Variants in PTN observed in about 807,000 individuals in gnomAD.
PTN encodes the protein pleiotrophin.
A neutral mutation model predicts 24.1 loss-of-function variants in PTN; 18 were observed. The ratio of observed to expected loss-of-function variants is 0.75; its 90% CI spans 0.52 to 1.11. The LOEUF is 1.11. Ranked by LOEUF, PTN falls within the 50% of genes least tolerant of loss-of-function variation. The pLI is 0.00. For synonymous variants in PTN, 78 were observed against 68.6 expected, an observed-to-expected ratio of 1.14 and a Z score of -0.67; for missense variants, 163 against 198.8, an observed-to-expected ratio of 0.82 and a Z score of 1.08.
intron 4 of PTN, among the ~76,000 whole-genome samples, chr7:137,228,612 T>G (rs1808375339): frequency 6.6e-6 from 1 of 151,754 alleles, no homozygotes; most frequent in Non-Finnish European, 1.5e-5. Flanking sequence ...CAGCTATCTA[T>G]GTAAAAAGAA....
At chr7:137,235,799 ACCTTCTACT>A (rs1563194361) in intron 4 of PTN, among the ~76,000 whole-genome samples, 1 of 152,058 alleles carries the variant, frequency 6.6e-6, no homozygotes, top group Non-Finnish European at 1.5e-5. Flanking sequence ...TCATAGCAAT[ACCTTCTACT>A]CCTTCTACTC....
chr7:137,230,650 C>A (rs888372884), intron 4 of PTN, among the ~76,000 whole-genome samples: 2 of 151,686 alleles, frequency 1.3e-5, no homozygotes, highest in African/African-American at 4.8e-5. Context: ...CTTTTATGTA[C>A]ATTCAACTGA....
intron 4 of PTN, among the ~76,000 whole-genome samples, chr7:137,247,583 C>T (rs975366523): frequency 2.0e-5 from 3 of 152,082 alleles, no homozygotes; most frequent in Non-Finnish European, 4.4e-5. Context: ...ATAAGACCTA[C>T]TATTTGATAG....
At chr7:137,338,525 T>C (rs1304048725) in intron 1 of PTN, among the ~76,000 whole-genome samples, 1 of 152,226 alleles carries the variant, frequency 6.6e-6, no homozygotes. Context: ...CACTTTCCTT[T>C]TTCTCATAAA....
At position 137,333,554 on chromosome 7, in the gene PTN, G is replaced by A. The variant is rs547419604; in HGVS notation, c.-2+9885C>T. Among the ~76,000 whole-genome samples the A allele has an allele frequency of 1.3e-4, 20 of 152,280 alleles. No individual in the cohort carries two copies. The South Asian group carries it at 3.7e-3, about 28-fold the overall frequency. ...TGATTCCTGGTCTAGTTCCATTATG[G>A]TATGGAAGGAAAGAGTCTAATGCAG... On this transcript the variant is annotated intron_variant, in intron 1 of 4. Coordinates refer to ENST00000348225, the MANE Select transcript of PTN (RefSeq NM_002825.7).
At chr7:137,244,444 G>A (rs906434226) in intron 4 of PTN, among the ~76,000 whole-genome samples, 19 of 134,084 alleles carry the variant, frequency 1.4e-4, no homozygotes, top group South Asian at 2.3e-4. Context: ...GGTTTGTTAC[G>A]TATGTATACG....
chr7:137,237,304 G>A (rs1185767700), intron 4 of PTN, among the ~76,000 whole-genome samples: 1 of 152,090 alleles, frequency 6.6e-6, no homozygotes, highest in African/African-American at 2.4e-5. Context: ...GGCCTCATAG[G>A]GCACCAACCC....
chr7:137,285,391 G>A (rs560699501), intron 1 of PTN, among the ~76,000 whole-genome samples: 9 of 152,068 alleles, frequency 5.9e-5, no homozygotes, highest in Non-Finnish European at 7.4e-5. Context: ...CTAGGCCAGG[G>A]GCGGTAGACC....
intron 1 of PTN, chr7:137,287,879 G>GT (rs954725747): frequency 5.3e-5 from 8 of 152,172 alleles, no homozygotes; most frequent in South Asian, 2.1e-4. Context: ...CTTTAGTAAT[G>GT]TTTTTTCCAG....
At chr7:137,310,838 T>G (rs1390411891) in intron 1 of PTN, among the ~76,000 whole-genome samples, 1 of 152,188 alleles carries the variant, frequency 6.6e-6, no homozygotes, top group African/African-American at 2.4e-5. Context: ...CACTTGCACT[T>G]TTATATTATG....
chr7:137,279,789 A>G (rs1809435665), intron 1 of PTN, among the ~76,000 whole-genome samples: 1 of 152,232 alleles, frequency 6.6e-6, no homozygotes, highest in Non-Finnish European at 1.5e-5. Flanking sequence ...GAATTTCTGA[A>G]AGAACACTCA....
rs36075331 is a variant in PTN, at chr7:137,343,517, AC to A, written c.-81del. Reference sequence around the variant, plus strand: ...GAGGTTGCTACCGCTGAGTCCAGGTACCCGGCTCGCTGCAGCTCCTGCTTGG... The same window carrying A: ...GAGGTTGCTACCGCTGAGTCCAGGTACCGGCTCGCTGCAGCTCCTGCTTGG... On this transcript the variant is annotated 5_prime_UTR_variant, in exon 1 of 5. Transcript: ENST00000348225. 3 of 518,678 alleles carry A rather than the reference AC, an allele frequency of 5.8e-6. No homozygotes were observed. The highest frequency in any genetic ancestry group is 3.9e-5 in the African/African-American group (2 of 51,892). 32.1% of individuals were successfully genotyped at this position (518,678 alleles called of 1,614,324 possible). A position where few individuals can be genotyped will look rare whatever the true frequency, so the allele number is the denominator to read the frequency against.
At chr7:137,236,304 C>A in intron 4 of PTN, 1 of 701,356 alleles carries the variant, frequency 1.4e-6, no homozygotes, top group African/African-American at 1.7e-5. Flanking sequence ...ATTCAGGATG[C>A]ACTTTCTTTA....
chr7:137,319,553 T>C (rs891742692), intron 1 of PTN, among the ~76,000 whole-genome samples: 5 of 152,328 alleles, frequency 3.3e-5, no homozygotes, highest in Non-Finnish European at 4.4e-5. Flanking sequence ...AGATCGTTTT[T>C]TGGCCATTCA....
intron 2 of PTN, among the ~76,000 whole-genome samples, chr7:137,254,075 A>T (rs1808874864): frequency 6.6e-6 from 1 of 152,248 alleles, no homozygotes; most frequent in African/African-American, 2.4e-5. Context: ...CGAAGCAGGC[A>T]GATCACAAGG....
Position 137,262,580 on chromosome 7 carries a change from C to T in PTN, c.-1-7606G>A, listed in dbSNP as rs934257651. Among the ~76,000 whole-genome samples, 4 of 152,048 alleles carry T rather than the reference C, an allele frequency of 2.6e-5. No homozygotes were observed. In the South Asian group the frequency reaches 8.3e-4, roughly 32 times the overall value. On this transcript the variant is annotated intron_variant, in intron 1 of 4. Transcript: ENST00000348225. ...TAGTGAAGGGAGTGGCTTTAATCAG[C>T]TGGGAGCATCAGCAGCCTAGCGTCT...
chr7:137,251,331 G>A lies in PTN; in HGVS notation c.350C>T (p.Thr117Ile). The change falls in exon 4 of 5, where the codon ACC (threonine) becomes ATC (isoleucine). Residue 117 changes from threonine (T) to isoleucine (I), a missense_variant. Transcript: ENST00000348225. ...GGCTCGCTTCAGACTTCCAGTTCTGGTCTTCAGGGCTGTGTTCAGGTCACA... is the reference window on the plus strand; with the variant it reads ...GGCTCGCTTCAGACTTCCAGTTCTGATCTTCAGGGCTGTGTTCAGGTCACA... ...GECDLNTALK[T>I]RTGSLKRALH... 1.2e-6 allele frequency: 2 copies of A among 1,614,074 alleles called. No homozygotes were observed. The highest frequency in any genetic ancestry group is 1.7e-6 in the Non-Finnish European group (2 of 1,179,992).
At chr7:137,306,641 G>A (rs914405785) in intron 1 of PTN, among the ~76,000 whole-genome samples, 29 of 151,888 alleles carry the variant, frequency 1.9e-4, no homozygotes, top group Non-Finnish European at 2.9e-4. Flanking sequence ...CTGAACCAAG[G>A]ATAACAAAAA....
chr7:137,322,855 G>C lies in PTN; in HGVS notation c.-2+20584C>G, dbSNP rs374453543. Among the ~76,000 whole-genome samples the C allele has an allele frequency of 3.9e-5, 6 of 152,138 alleles. No individual in the cohort carries two copies. The South Asian group carries it at 1.2e-3, about 32-fold the overall frequency. ...AAAATAAATCCAAGAATCCATTAAAGTGAGTTACTGCCAGCATCAATTCCC... is the reference window on the plus strand; with the variant it reads ...AAAATAAATCCAAGAATCCATTAAACTGAGTTACTGCCAGCATCAATTCCC... On this transcript the variant is annotated intron_variant, in intron 1 of 4. Transcript: ENST00000348225.
Sources: allele counts gnomAD v4.1 joint callset (sites outside exome capture counted in the v4.1 genomes callset), GRCh38; gene constraint gnomAD v4.1.1; transcripts MANE v1.5; gene names NCBI Gene and HGNC (gene_info 2026-07-23, HGNC 2026-07-21).